The following DSE variants were observed in gnomAD, a reference collection of about 807,000 sequenced individuals.
DSE encodes dermatan-sulfate epimerase.
Under a neutral mutation model 84.4 loss-of-function variants are expected in DSE, and 36 were observed. The observed-to-expected ratio is 0.43, with a 90% CI of 0.33 to 0.56. The LOEUF (loss-of-function observed/expected upper bound fraction) is 0.56. Ranked by LOEUF, DSE falls within the 20% of genes least tolerant of loss-of-function variation. The probability of loss-of-function intolerance (pLI) is 0.06; values close to 1 mark genes in which losing one functional copy is unlikely to be tolerated. For missense variants in DSE, 862 were observed against 1,169.6 expected, an observed-to-expected ratio of 0.74 and a Z score of 3.84; for synonymous variants, 410 against 430.1, an observed-to-expected ratio of 0.95 and a Z score of 0.58.
At chr6:116,352,732 A>G (rs1454630174) in intron 2 of DSE, among the ~76,000 whole-genome samples, 3 of 152,310 alleles carry the variant, frequency 2.0e-5, no homozygotes, top group East Asian at 3.9e-4. Flanking sequence ...ACTCATTCCA[A>G]TAACAGACCT....
At chr6:116,376,345 T>A (rs987240181) in intron 1 of DSE, among the ~76,000 whole-genome samples, 1 of 152,214 alleles carries the variant, frequency 6.6e-6, no homozygotes, top group Non-Finnish European at 1.5e-5. Flanking sequence ...CTGCCATGTG[T>A]AGGCAAGTTC....
At position 116,438,050 on chromosome 6, in the gene DSE, G is replaced by A. The variant is rs949061411; in HGVS notation, c.*705G>A. 4.1e-5 allele frequency: 6 copies of A among 145,818 alleles called. No homozygotes were observed. The highest frequency in any genetic ancestry group is 1.5e-4 in the African/African-American group (6 of 38,756). 9.0% of individuals were successfully genotyped at this position (145,818 alleles called of 1,614,324 possible). A position where few individuals can be genotyped will look rare whatever the true frequency, so the allele number is the denominator to read the frequency against. On this transcript the variant is annotated 3_prime_UTR_variant, in exon 6 of 6. Transcript: ENST00000644252. The stretch of plus-strand genomic sequence containing the variant: ...CTTGGTTACTTGCATGCATTCATTG[G>A]TTGTTCAATAAGTGAGATGATTACA...
At chr6:116,398,232 G>C (rs540102578) in intron 1 of DSE, among the ~76,000 whole-genome samples, 2 of 152,274 alleles carry the variant, frequency 1.3e-5, no homozygotes, top group African/African-American at 4.8e-5. Context: ...CATTGACTAG[G>C]CTGAGGTTTT....
At chr6:116,303,230 C>A (rs956086525) in intron 2 of DSE, among the ~76,000 whole-genome samples, 1 of 152,046 alleles carries the variant, frequency 6.6e-6, no homozygotes, top group Non-Finnish European at 1.5e-5. Context: ...TCGCTACCTC[C>A]TTCTCGTCTT....
intron 2 of DSE, among the ~76,000 whole-genome samples, chr6:116,418,115 G>T (rs61367067): frequency 0.011 from 1,626 of 152,192 alleles, 30 homozygotes; most frequent in African/African-American, 0.037. Context: ...ATCGAGGGTA[G>T]AATTCTATCC....
At chr6:116,358,438 A>C (rs987981187) in intron 2 of DSE, among the ~76,000 whole-genome samples, 1 of 152,226 alleles carries the variant, frequency 6.6e-6, no homozygotes, top group Admixed American at 6.5e-5. Flanking sequence ...TAAAAATCTA[A>C]GACAAAGTGG....
chr6:116,308,346 C>G (rs1330745578), intron 2 of DSE, among the ~76,000 whole-genome samples: 1 of 152,092 alleles, frequency 6.6e-6, no homozygotes, highest in African/African-American at 2.4e-5. Flanking sequence ...ATTTGTAAAT[C>G]TCGTAAATGT....
chr6:116,312,732 C>G (rs1459205412), intron 2 of DSE, among the ~76,000 whole-genome samples: 1 of 151,888 alleles, frequency 6.6e-6, no homozygotes, highest in East Asian at 1.9e-4. Context: ...ATAAGTGAAA[C>G]AGTAGTTACA....
chr6:116,378,049 G>C (rs952339374), intron 1 of DSE, among the ~76,000 whole-genome samples: 5 of 152,140 alleles, frequency 3.3e-5, no homozygotes, highest in Non-Finnish European at 7.4e-5. Context: ...CACCTGCAGT[G>C]TTTACATTTC....
chr6:116,435,243 A>C (rs1784072743), intron 5 of DSE, among the ~76,000 whole-genome samples: 4 of 152,230 alleles, frequency 2.6e-5, no homozygotes, highest in African/African-American at 9.6e-5. Context: ...GGAGCCCCTC[A>C]ACCAGAAATT....
Position 116,437,054 on chromosome 6 carries a change from T to G in DSE, c.2586T>G (p.Phe862Leu), listed in dbSNP as rs1583239240. 1.2e-6 allele frequency: 2 copies of G among 1,614,080 alleles called. No homozygotes were observed. The highest frequency in any genetic ancestry group is 2.7e-5 in the African/African-American group (2 of 74,996). Residue 862 changes from phenylalanine (F) to leucine (L), a missense_variant, in exon 6 of 6, where the codon TTT becomes TTG. By Grantham distance (22) the Phe-to-Leu change is conservative. Transcript: ENST00000644252. ...EDEEMKDLLD[F>L]ADVTYEKHKN... ...AAGAAATGAAAGACCTTTTAGATTT[T>G]GCAGATGTAACATACGAGAAACATA...
At chr6:116,393,274 G>A (rs910672565) in intron 1 of DSE, among the ~76,000 whole-genome samples, 6 of 152,124 alleles carry the variant, frequency 3.9e-5, no homozygotes, top group African/African-American at 7.2e-5. Context: ...TTAAAGGGTC[G>A]TATACTTTCC....
In DSE at chr6:116,371,027, C is replaced by T; in HGVS notation, c.-148C>T. 1.0e-6 allele frequency: 1 copy of T among 985,712 alleles called. No individual in the cohort carries two copies. The highest frequency in any genetic ancestry group is 1.2e-6 in the Non-Finnish European group (1 of 830,226). The allele number at this position is 985,712 out of a possible 1,614,324, so 61.1% of individuals were successfully genotyped here. On this transcript the variant is annotated 5_prime_UTR_variant, in exon 1 of 6. Coordinates refer to ENST00000644252, the MANE Select transcript of DSE (RefSeq NM_013352.4). ...GCGGAGGGCTCGGTTCGGAGGGGGCCGGGAGCCCGGGCGCCCTGGAGTGAG... is the reference window on the plus strand; with the variant it reads ...GCGGAGGGCTCGGTTCGGAGGGGGCTGGGAGCCCGGGCGCCCTGGAGTGAG...
chr6:116,389,469 T>C (rs1780759987), intron 1 of DSE, among the ~76,000 whole-genome samples: 1 of 152,190 alleles, frequency 6.6e-6, no homozygotes, highest in Admixed American at 6.5e-5. Flanking sequence ...TAGCATTTTA[T>C]TTTAAATGAA....
chr6:116,405,593 T>C (rs887875516), intron 2 of DSE, among the ~76,000 whole-genome samples: 5 of 152,218 alleles, frequency 3.3e-5, no homozygotes, highest in Admixed American at 6.5e-5. Flanking sequence ...TTTATGCTGC[T>C]GCAGAGACTT....
intron 2 of DSE, among the ~76,000 whole-genome samples, chr6:116,332,700 CTTAGAG>C (rs1250161415): frequency 6.6e-6 from 1 of 152,026 alleles, no homozygotes; most frequent in Non-Finnish European, 1.5e-5. Context: ...AAGACTGATA[CTTAGAG>C]TTAAAATTAA....
chr6:116,309,365 G>A (rs954143282), intron 2 of DSE, among the ~76,000 whole-genome samples: 4 of 151,944 alleles, frequency 2.6e-5, no homozygotes, highest in African/African-American at 9.7e-5. Flanking sequence ...AAATGAAGAA[G>A]GTCAATTGCC....
At position 116,440,784 on chromosome 6, in the gene DSE, A is replaced by C. The variant is rs1199625772; in HGVS notation, c.*3439A>C. 2 of 152,178 alleles carry C rather than the reference A, an allele frequency of 1.3e-5. No individual in the cohort carries two copies. Among genetic ancestry groups the C allele is most frequent in the African/African-American group, 2.4e-5 (1 of 41,430 alleles). The allele number at this position is 152,178 out of a possible 1,614,324, so 9.4% of individuals were successfully genotyped here. On this transcript the variant is annotated 3_prime_UTR_variant, in exon 6 of 6. Transcript: ENST00000644252. ...ATCTTTGTCATAGCTTAATTCAGGA[A>C]AAAAGGAGTTAGGGAAGTCTGAAGG... is the stretch of plus-strand genomic sequence containing the variant.
chr6:116,356,253 A>G (rs774374451), intron 2 of DSE, among the ~76,000 whole-genome samples: 43 of 152,240 alleles, frequency 2.8e-4, no homozygotes, highest in Non-Finnish European at 1.3e-4. Context: ...GGCTCAGAGC[A>G]TCAAAGAGAA....
Sources: gnomAD v4.1 joint callset for allele counts (sites outside exome capture counted in the v4.1 genomes callset) on GRCh38, gnomAD v4.1.1 for gene constraint, MANE v1.5 for transcripts, NCBI Gene and HGNC (gene_info 2026-07-23, HGNC 2026-07-21) for gene names.